Variants in HOOK2 observed in about 807,000 individuals in gnomAD.
HOOK2 encodes protein Hook homolog 2.
HOOK2 carries 108 observed loss-of-function variants against 111.9 expected under a neutral mutation model. The ratio of observed to expected loss-of-function variants is 0.96; its 90% CI spans 0.83 to 1.13. HOOK2 has a LOEUF of 1.13. Among genes scored for constraint, HOOK2 ranks in the 50% most tolerant of loss-of-function variants. The pLI, the probability that HOOK2 is intolerant of heterozygous loss-of-function variation, is 0.00. For missense variants in HOOK2, 978 were observed against 951.3 expected (o/e 1.03, Z -0.37); for synonymous variants, 405 against 394.3 (o/e 1.03, Z -0.32).
chr19:12,774,926 GAGTT>G (rs746216753), intron 1 of HOOK2, 29 bp from the exon 2 acceptor site: 7 of 1,599,638 alleles, frequency 4.4e-6, no homozygotes, highest in African/African-American at 2.7e-5. Context: ...GACAAGGAAA[GAGTT>G]AGGGCCTGGG....
intron 10 of HOOK2, 150 bp downstream of exon 10, chr19:12,770,782 G>A: frequency 1.1e-6 from 1 of 932,606 alleles, no homozygotes; most frequent in Non-Finnish European, 1.6e-6. Flanking sequence ...GTTCTGTAGG[G>A]CTCAGGGTGG....
In HOOK2 at chr19:12,766,136, T is replaced by G. The variant is rs760001508; in HGVS notation, c.1478A>C (p.Asn493Thr). 1 of 1,601,952 alleles carries G rather than the reference T, an allele frequency of 6.2e-7. No homozygotes were observed. The highest frequency in any genetic ancestry group is 2.2e-5 in the East Asian group (1 of 44,846). The change falls in exon 15 of 23, where the codon AAC becomes ACC. Residue 493 changes from asparagine (N) to threonine (T), a missense_variant. Coordinates refer to ENST00000397668, the MANE Select transcript of HOOK2 (RefSeq NM_013312.3). The stretch of plus-strand genomic sequence containing the variant: ...CGTCTCCAACCCGTGGCGCGCGCGG[T>G]TGGCATCCTCCAGGTGGCGCTGCAG... ...EELQRHLEDA[N>T]RARHGLETQH...
chr19:12,775,177 C>T (rs1271813536), intron 1 of HOOK2: 1 of 985,202 alleles, frequency 1.0e-6, no homozygotes, highest in Non-Finnish European at 1.2e-6. Flanking sequence ...TCACCTGTGT[C>T]CTCGCCCCAC....
rs1968379963 is a variant in HOOK2 at position 12,772,926 on chromosome 19, G to T, written c.256-14C>A. 6.2e-7 allele frequency: 1 copy of T among 1,614,076 alleles called. No individual in the cohort carries two copies. Among genetic ancestry groups the T allele is most frequent in the Non-Finnish European group, 8.5e-7 (1 of 1,180,026 alleles). ...ATGCGCCAGGACCTGGGGAGAAGGG[G>T]GTGTCAGGGGCTCATGGGCCCACCC... On this transcript the variant is annotated splice_polypyrimidine_tract_variant and intron_variant, in intron 4 of 22. Transcript: ENST00000397668.
upstream of HOOK2, among the ~76,000 whole-genome samples, chr19:12,781,415 C>T (rs151150441): frequency 0.049 from 7,352 of 150,744 alleles, 646 homozygotes; most frequent in African/African-American, 0.17. Flanking sequence ...CAAGCTCCGC[C>T]TCCCGGGTTC....
rs752322541 is a variant in HOOK2 at position 12,791,903 on chromosome 19, C to A, written n.42-17678G>T. On this transcript the variant is annotated intron_variant and non_coding_transcript_variant, in intron 3 of 3. Transcript: ENST00000589765. This position sits in a 1 kb window ranked among gnomAD's most constrained non-coding sequence, Gnocchi z 7.0. ...AACCGAGCCTGGCGGTCAACCTGGCCGACCCCTACCGGAGTCTCAAAGCGC... is the reference window on the plus strand; with the variant it reads ...AACCGAGCCTGGCGGTCAACCTGGCAGACCCCTACCGGAGTCTCAAAGCGC... 6.2e-7 allele frequency: 1 copy of A among 1,613,266 alleles called. No homozygotes were observed. The highest frequency in any genetic ancestry group is 8.5e-7 in the Non-Finnish European group (1 of 1,179,860).
At chr19:12,779,402 T>A (rs1968573741), upstream of HOOK2, among the ~76,000 whole-genome samples, 3 of 152,110 alleles carry the variant, frequency 2.0e-5, no homozygotes, top group South Asian at 6.2e-4. Flanking sequence ...CCATGCATCA[T>A]CACCATGGAG....
chr19:12,767,598 G>T (rs946276559), intron 13 of HOOK2, 134 bp from the exon 14 acceptor site: 11 of 892,486 alleles, frequency 1.2e-5, no homozygotes, highest in Non-Finnish European at 1.8e-5. Flanking sequence ...TCCATCCCCG[G>T]CTTGATAGAG....
Position 12,786,445 on chromosome 19 carries a change from G to A in HOOK2, n.42-12220C>T, listed in dbSNP as rs1293034309. On this transcript the variant is annotated intron_variant and non_coding_transcript_variant, in intron 3 of 3. Coordinates refer to the HOOK2 transcript ENST00000589765. The surrounding 1 kb of genome is among the most constrained non-coding windows in gnomAD (Gnocchi z 4.3). ...GCCCCGAAGACACTTGTGGGTGGGGGTGGGTGAACTTCCTCCTTATCCTGT... is the reference window on the plus strand; with the variant it reads ...GCCCCGAAGACACTTGTGGGTGGGGATGGGTGAACTTCCTCCTTATCCTGT... Among the ~76,000 whole-genome samples the A allele has an allele frequency of 6.6e-6, 1 of 152,142 alleles. No individual in the cohort carries two copies. Among genetic ancestry groups the A allele is most frequent in the African/African-American group, 2.4e-5 (1 of 41,440 alleles).
chr19:12,763,452 G>T (rs1206844998), intron 22 of HOOK2, 21 bp from the exon 23 acceptor site: 12 of 1,613,324 alleles, frequency 7.4e-6, no homozygotes, highest in Non-Finnish European at 1.0e-5. Context: ...AGGTGTGGTT[G>T]GGGTCAGGTG....
At chr19:12,782,547 G>C (rs1211543726), upstream of HOOK2, among the ~76,000 whole-genome samples, 1 of 152,208 alleles carries the variant, frequency 6.6e-6, no homozygotes, top group East Asian at 1.9e-4. Flanking sequence ...CGTGCGTCGT[G>C]CGTGACGTGA....
intron 3 of HOOK2, among the ~76,000 whole-genome samples, chr19:12,784,159 C>A (rs908370673): frequency 2.0e-5 from 3 of 152,116 alleles, no homozygotes; most frequent in Admixed American, 2.0e-4. Context: ...CAGCCCCTCC[C>A]GGGGCAGGGC....
At position 12,774,868 on chromosome 19, in the gene HOOK2, A is replaced by C. The variant is rs1046317733; in HGVS notation, c.75T>G (p.Cys25Trp). 23 of 1,614,038 alleles carry C rather than the reference A, an allele frequency of 1.4e-5. No homozygotes were observed. Among genetic ancestry groups the C allele is most frequent in the Non-Finnish European group, 1.8e-5 (21 of 1,180,006 alleles). Residue 25 changes from cysteine to tryptophan, a missense_variant, in exon 2 of 23, where the codon TGT (cysteine) becomes TGG (tryptophan). By Grantham distance (215) the Cys-to-Trp change is radical (BLOSUM62 -2). Transcript: ENST00000397668. The stretch of plus-strand genomic sequence containing the variant: ...CGCTGCTCAGGTCCTGAGGGCTGGC[A>C]CAGGGAGACGGAACGTGGAACGTCT... Reference protein sequence around the residue: ...WLQTFHVPSPCASPQDLSSGL... With the variant: ...WLQTFHVPSPWASPQDLSSGL...
In HOOK2 at chr19:12,772,301, C is replaced by G. The variant is rs775843216; in HGVS notation, c.457-49G>C. The G allele has an allele frequency of 5.1e-6, 8 of 1,579,674 alleles. No homozygotes were observed. The South Asian group carries it at 7.7e-5, about 15-fold the overall frequency. On this transcript the variant is annotated intron_variant, in intron 6 of 22. Coordinates refer to ENST00000397668, the MANE Select transcript of HOOK2 (RefSeq NM_013312.3). Reference sequence around the variant, plus strand: ...TAATGAACTGGATATCTGAGGCCAGCCTTCAAAGTATCTACTATCCAACCT... The same window carrying G: ...TAATGAACTGGATATCTGAGGCCAGGCTTCAAAGTATCTACTATCCAACCT...
At chr19:12,775,290 T>A (rs1968466189) in intron 1 of HOOK2, 115 bp downstream of exon 1, 1 of 1,490,272 alleles carries the variant, frequency 6.7e-7, no homozygotes, top group East Asian at 2.5e-5. Flanking sequence ...GTCCAGCAAG[T>A]CGACGACCCC....
In HOOK2 at chr19:12,768,046, C is replaced by T. The variant is rs150025827; in HGVS notation, c.1182G>A (p.Glu394=). Residue 394 remains glutamate, a synonymous_variant, in exon 12 of 23, where the codon GAG becomes GAA. Transcript: ENST00000397668. ...CCTTTGTCACCGACTCATACTTTTC[C>T]TCCAGGTTGCGGCATTCAAATAGCC... ...EKWLFECRNL[E]EKYESVTKEK... 1.9e-4 allele frequency: 307 copies of T among 1,614,228 alleles called. 2 individuals carry two copies. The African/African-American group carries it at 3.6e-3, about 19-fold the overall frequency.
Position 12,771,485 on chromosome 19 carries a change from G to A in HOOK2, c.520-8C>T. 1 of 1,607,376 alleles carries A rather than the reference G, an allele frequency of 6.2e-7. No homozygotes were observed. Among genetic ancestry groups the A allele is most frequent in the Non-Finnish European group, 8.5e-7 (1 of 1,176,458 alleles). On this transcript the variant is annotated splice_region_variant and splice_polypyrimidine_tract_variant and intron_variant, in intron 7 of 22. Transcript: ENST00000397668. ...GAAATAGTACCTGCGGGACTGCAGA[G>A]ATGAGGGGGAAGAGGAACTCAGGGA...
At chr19:12,777,769 A>T (rs1001261426), upstream of HOOK2, among the ~76,000 whole-genome samples, 11 of 152,234 alleles carry the variant, frequency 7.2e-5, no homozygotes, top group Non-Finnish European at 4.4e-5. Flanking sequence ...AACGCGGCCT[A>T]GGGGGAAGAC....
Position 12,770,069 on chromosome 19 carries a change from G to A in HOOK2, c.916C>T (p.Arg306Cys). The A allele has an allele frequency of 2.0e-6, 3 of 1,521,148 alleles. No homozygotes were observed. Among genetic ancestry groups the A allele is most frequent in the Non-Finnish European group, 2.6e-6 (3 of 1,137,742 alleles). The allele number at this position is 1,521,148 out of a possible 1,614,324, so 94.2% of individuals were successfully genotyped here. Reference sequence around the variant, plus strand: ...AGCGTGGCCTCCAGCTGCCCAGCACGCTCCGAAGACTGCCTAGGGGAGTGG... The same window carrying A: ...AGCGTGGCCTCCAGCTGCCCAGCACACTCCGAAGACTGCCTAGGGGAGTGG... Reference protein sequence around the residue: ...EMDELRQSSERAGQLEATLTS... With the variant: ...EMDELRQSSECAGQLEATLTS... Residue 306 changes from arginine to cysteine, a missense_variant, in exon 11 of 23, where the codon CGT becomes TGT. Physicochemically the swap from Arg to Cys is radical, Grantham distance 180. Coordinates refer to ENST00000397668, the MANE Select transcript of HOOK2 (RefSeq NM_013312.3).
Sources: allele counts gnomAD v4.1 joint callset (sites outside exome capture counted in the v4.1 genomes callset), GRCh38; gene constraint gnomAD v4.1.1; non-coding constraint Gnocchi (gnomAD v3.1); transcripts MANE v1.5; gene names NCBI Gene and HGNC (gene_info 2026-07-23, HGNC 2026-07-21).